UBE2O: variants seen among roughly 807,000 people sequenced by gnomAD.
UBE2O encodes the protein (E3-independent) E2 ubiquitin-conjugating enzyme.
In UBE2O, 15 loss-of-function variants were observed where a neutral mutation model predicts 125.8. The ratio of observed to expected loss-of-function variants is 0.12; its 90% CI spans 0.08 to 0.18. The LOEUF is 0.18. Ranked by LOEUF, UBE2O falls within the 10% of genes least tolerant of loss-of-function variation. The pLI is 1.00. For synonymous variants in UBE2O, 708 were observed against 703.2 expected (o/e 1.01, Z -0.11); for missense variants, 1,280 against 1,723.6 (o/e 0.74, Z 4.56).
intron 1 of UBE2O, among the ~76,000 whole-genome samples, chr17:76,438,708 A>T (rs1314893230): frequency 1.3e-5 from 2 of 152,124 alleles, no homozygotes; most frequent in Non-Finnish European, 1.5e-5. Context: ...ATCCTTGAAA[A>T]ATCCCTTAAA....
At position 76,399,350 on chromosome 17, in the gene UBE2O, GA is replaced by G; in HGVS notation, c.1628+98del. 9 of 1,217,108 alleles carry G rather than the reference GA, an allele frequency of 7.4e-6. No homozygotes were observed. Among genetic ancestry groups the G allele is most frequent in the Non-Finnish European group, 1.1e-5 (9 of 849,416 alleles). 75.4% of individuals were successfully genotyped at this position (1,217,108 alleles called of 1,614,324 possible). ...CCCCGGAGCCACTACAAGGCATGCA[GA>G]GGTGTGTGTGCGAGCGCAGGCACGC... On this transcript the variant is annotated intron_variant, in intron 9 of 17. Coordinates refer to ENST00000319380, the MANE Select transcript of UBE2O (RefSeq NM_022066.4). This position sits in a 1 kb window ranked among gnomAD's most constrained non-coding sequence, Gnocchi z 6.9.
At chr17:76,428,611 C>A (rs556868389) in intron 1 of UBE2O, among the ~76,000 whole-genome samples, 1 of 152,300 alleles carries the variant, frequency 6.6e-6, no homozygotes, top group East Asian at 1.9e-4. Context: ...TCTTTGCTTT[C>A]TCTGGCCTCT....
intron 1 of UBE2O, among the ~76,000 whole-genome samples, chr17:76,451,623 G>A (rs1378694547): frequency 6.6e-6 from 1 of 152,144 alleles, no homozygotes; most frequent in East Asian, 1.9e-4. Flanking sequence ...CCCACTGTGT[G>A]AGAAACCCAG....
In UBE2O at chr17:76,399,367, G is replaced by T; in HGVS notation, c.1628+82C>A. ...GGCATGCAGAGGTGTGTGTGCGAGC[G>T]CAGGCACGCACACCGAGGGGACGCG... On this transcript the variant is annotated intron_variant, in intron 9 of 17. Coordinates refer to ENST00000319380, the MANE Select transcript of UBE2O (RefSeq NM_022066.4). This position sits in a 1 kb window ranked among gnomAD's most constrained non-coding sequence, Gnocchi z 6.9. The T allele has an allele frequency of 7.5e-7, 1 of 1,333,050 alleles. No individual in the cohort carries two copies. The highest frequency in any genetic ancestry group is 1.1e-6 in the Non-Finnish European group (1 of 947,576). The allele number at this position is 1,333,050 out of a possible 1,614,324, so 82.6% of individuals were successfully genotyped here. A position where few individuals can be genotyped will look rare whatever the true frequency, so the allele number is the denominator to read the frequency against.
intron 3 of UBE2O, among the ~76,000 whole-genome samples, chr17:76,403,731 C>G (rs1298607014): frequency 1.2e-4 from 19 of 152,104 alleles, no homozygotes; most frequent in Admixed American, 1.2e-3. Flanking sequence ...TTTAAAAATA[C>G]CATTCTCTGA....
At chr17:76,397,541 CA>C (rs2072235569) in intron 13 of UBE2O, among the ~76,000 whole-genome samples, 1 of 152,206 alleles carries the variant, frequency 6.6e-6, no homozygotes, top group African/African-American at 2.4e-5. Context: ...GCTGACAATC[CA>C]GGAAAATCCT....
Position 76,405,437 on chromosome 17 carries a change from G to A in UBE2O, c.477+76C>T, listed in dbSNP as rs1268514229. The stretch of plus-strand genomic sequence containing the variant: ...GCTGGCCAGTTCTCCCACATGCAGA[G>A]TGCGAGGTGGGCAGGCTCAAGTCCC... On this transcript the variant is annotated intron_variant, in intron 2 of 17. Coordinates refer to ENST00000319380, the MANE Select transcript of UBE2O (RefSeq NM_022066.4). The surrounding 1 kb of genome is among the most constrained non-coding windows in gnomAD (Gnocchi z 6.1). 1.4e-5 allele frequency: 21 copies of A among 1,524,256 alleles called. 1 individual carries two copies. The Middle Eastern group carries it at 5.1e-4, about 37-fold the overall frequency. The allele number at this position is 1,524,256 out of a possible 1,614,324, so 94.4% of individuals were successfully genotyped here. A position where few individuals can be genotyped will look rare whatever the true frequency, so the allele number is the denominator to read the frequency against.
rs144463158 is a variant in UBE2O, at chr17:76,398,794, T to C, written c.1783+43A>G. The C allele has an allele frequency of 1.2e-3, 1,952 of 1,601,854 alleles. 15 individuals are homozygous for C. Among genetic ancestry groups the C allele is most frequent in the East Asian group, 1.9e-3 (83 of 44,758 alleles). On this transcript the variant is annotated intron_variant, in intron 10 of 17. Transcript: ENST00000319380. The surrounding 1 kb of genome is among the most constrained non-coding windows in gnomAD (Gnocchi z 5.4). ...CCACAAGCCCCAACCCGGGCCCTCATTGGCGACCACCCTGCTGGCTGCCCT... is the reference window on the plus strand; with the variant it reads ...CCACAAGCCCCAACCCGGGCCCTCACTGGCGACCACCCTGCTGGCTGCCCT...
chr17:76,436,823 C>T (rs1005359818), intron 1 of UBE2O, among the ~76,000 whole-genome samples: 6 of 152,114 alleles, frequency 3.9e-5, no homozygotes, highest in Non-Finnish European at 8.8e-5. Context: ...GAAAGATCAA[C>T]GAGGAGCATT....
intron 1 of UBE2O, among the ~76,000 whole-genome samples, chr17:76,428,673 T>C (rs2072853034): frequency 6.6e-6 from 1 of 152,198 alleles, no homozygotes; most frequent in South Asian, 2.1e-4. Context: ...TTGGCATCCA[T>C]TCCTATTTAA....
intron 15 of UBE2O, among the ~76,000 whole-genome samples, chr17:76,394,518 A>C (rs1403152617): frequency 6.6e-6 from 1 of 152,362 alleles, no homozygotes; most frequent in Non-Finnish European, 1.5e-5. Context: ...ATTATGAATC[A>C]ACACAGGTTG....
chr17:76,420,076 C>T (rs2072683813), intron 1 of UBE2O, among the ~76,000 whole-genome samples: 1 of 152,186 alleles, frequency 6.6e-6, no homozygotes, highest in Admixed American at 6.5e-5. Context: ...GGAGCCTCAC[C>T]CCTACCCAGC....
intron 15 of UBE2O, among the ~76,000 whole-genome samples, chr17:76,393,556 CA>C (rs1322387196): frequency 1.3e-5 from 2 of 152,040 alleles, no homozygotes; most frequent in Non-Finnish European, 2.9e-5. Flanking sequence ...AAAAACAAAA[CA>C]AAACAATTCC....
At chr17:76,420,395 G>C (rs2072689784) in intron 1 of UBE2O, among the ~76,000 whole-genome samples, 1 of 152,020 alleles carries the variant, frequency 6.6e-6, no homozygotes, top group Non-Finnish European at 1.5e-5. Flanking sequence ...AGTGGTCCTG[G>C]CTTCCTGCAT....
chr17:76,417,504 G>A (rs1316366397), intron 1 of UBE2O, among the ~76,000 whole-genome samples: 5 of 152,244 alleles, frequency 3.3e-5, no homozygotes, highest in Non-Finnish European at 7.3e-5. Context: ...AAATCTTAGA[G>A]TATTAACCAC....
chr17:76,429,385 C>T (rs59801466), intron 1 of UBE2O, among the ~76,000 whole-genome samples: 145,792 of 151,372 alleles, frequency 0.96, 70,484 homozygotes, highest in Middle Eastern at 1. Flanking sequence ...TGACAAAAAA[C>T]ACACAAATTA....
chr17:76,421,172 T>C (rs760657891), intron 1 of UBE2O, among the ~76,000 whole-genome samples: 5 of 152,054 alleles, frequency 3.3e-5, no homozygotes, highest in African/African-American at 4.8e-5. Flanking sequence ...TGACAGGAAA[T>C]GGGAAACTCA....
rs989218077 is a variant in UBE2O, at chr17:76,415,696, T to C, written c.418-10124A>G. Among the ~76,000 whole-genome samples, 21 of 151,938 alleles carry C rather than the reference T, an allele frequency of 1.4e-4. 1 individual carries two copies. The highest frequency in any genetic ancestry group is 1.2e-3 in the Admixed American group (18 of 15,256). On this transcript the variant is annotated intron_variant, in intron 1 of 17. Transcript: ENST00000319380. ...GGTGCGCACCTGTAATCCCAGCTAC[T>C]TAGGAGGCCGAGGTAGGAGAATTGC... is the stretch of plus-strand genomic sequence containing the variant.
chr17:76,400,334 C>T lies in UBE2O; in HGVS notation c.1005-37G>A, dbSNP rs761042286. 6.2e-7 allele frequency: 1 copy of T among 1,608,424 alleles called. No individual in the cohort carries two copies. On this transcript the variant is annotated intron_variant, in intron 7 of 17. Transcript: ENST00000319380. This position sits in a 1 kb window ranked among gnomAD's most constrained non-coding sequence, Gnocchi z 4.3. The stretch of plus-strand genomic sequence containing the variant: ...AGAAGTGGGGGTGAGCTGGGCTGGA[C>T]TCCTGGGAGGCCAGCAGTGTTCTTA...
Sources: gnomAD v4.1 joint callset for allele counts (sites outside exome capture counted in the v4.1 genomes callset) on GRCh38, gnomAD v4.1.1 for gene constraint, Gnocchi (gnomAD v3.1) non-coding constraint, MANE v1.5 for transcripts, NCBI Gene and HGNC (gene_info 2026-07-23, HGNC 2026-07-21) for gene names.